PARM1: variants seen among roughly 807,000 people sequenced by gnomAD.
PARM1 encodes WSC4, cell wall integrity and stress response component 4 homolog.
PARM1 carries 14 observed loss-of-function variants against 24.6 expected under a neutral mutation model. That is an observed-to-expected ratio of 0.57 (90% CI 0.38 to 0.89). The LOEUF (loss-of-function observed/expected upper bound fraction) is 0.89, where lower values mean the gene tolerates loss of function less well. PARM1 is among the 40% of genes least tolerant of loss of function. The probability of loss-of-function intolerance (pLI) is 0.00; values close to 1 mark genes in which losing one functional copy is unlikely to be tolerated. For synonymous variants in PARM1, 179 were observed against 156.6 expected (o/e 1.14, Z -1.07); for missense variants, 362 against 380.4 (o/e 0.95, Z 0.40).
At chr4:74,934,996 C>CTTT (rs11392364) in intron 1 of PARM1, among the ~76,000 whole-genome samples, 12 of 116,548 alleles carry the variant, frequency 1.0e-4, no homozygotes, top group East Asian at 2.5e-4. Context: ...GCTCTTTTTT[C>CTTT]TTTTTTTTTT....
chr4:74,971,377 C>T (rs769677511), intron 1 of PARM1, among the ~76,000 whole-genome samples: 17 of 152,154 alleles, frequency 1.1e-4, no homozygotes, highest in Non-Finnish European at 2.1e-4. Context: ...GTCCCTCTCA[C>T]GACACATGGG....
At chr4:75,036,019 C>T (rs1390434873) in intron 3 of PARM1, among the ~76,000 whole-genome samples, 1 of 152,170 alleles carries the variant, frequency 6.6e-6, no homozygotes, top group Non-Finnish European at 1.5e-5. Flanking sequence ...TTATGAACTA[C>T]TCTGGGAACC....
chr4:74,940,641 A>G (rs1192621326), intron 1 of PARM1, among the ~76,000 whole-genome samples: 4 of 152,212 alleles, frequency 2.6e-5, no homozygotes, highest in Non-Finnish European at 4.4e-5. Flanking sequence ...GCAAATATTG[A>G]AACCATAGCA....
At chr4:74,994,945 T>G (rs1478169607) in intron 1 of PARM1, among the ~76,000 whole-genome samples, 1 of 152,154 alleles carries the variant, frequency 6.6e-6, no homozygotes, top group Non-Finnish European at 1.5e-5. Context: ...TGTTGTTTCC[T>G]GGCGCTCAGC....
chr4:74,944,158 G>A (rs1325330917), intron 1 of PARM1, among the ~76,000 whole-genome samples: 1 of 152,152 alleles, frequency 6.6e-6, no homozygotes, highest in Non-Finnish European at 1.5e-5. Flanking sequence ...AATACTCATG[G>A]TGCACACTGG....
In PARM1 at chr4:75,005,143, C is replaced by G. The variant is rs552997263; in HGVS notation, c.44-7282C>G. On this transcript the variant is annotated intron_variant, in intron 1 of 3. Coordinates refer to ENST00000307428, the MANE Select transcript of PARM1 (RefSeq NM_015393.4). ...CAGCAGTTCACGATGGTGGCCGTAA[C>G]AGGTGGAGAAACTGGTAGCAATTAC... 1.1e-4 allele frequency among the ~76,000 whole-genome samples: 16 copies of G among 152,310 alleles called. No individual in the cohort carries two copies. In the South Asian group the frequency reaches 3.3e-3, roughly 32 times the overall value.
intron 1 of PARM1, among the ~76,000 whole-genome samples, chr4:74,948,920 G>A (rs1578023906): frequency 1.3e-5 from 2 of 152,218 alleles, no homozygotes; most frequent in African/African-American, 4.8e-5. Flanking sequence ...TACTTGGGAG[G>A]CTGAGGCAGA....
intron 1 of PARM1, among the ~76,000 whole-genome samples, chr4:74,974,027 G>C (rs1722094150): frequency 6.6e-6 from 1 of 152,198 alleles, no homozygotes; most frequent in Admixed American, 6.5e-5. Flanking sequence ...GTTCAAATCT[G>C]AGGGCCTGAG....
intron 1 of PARM1, among the ~76,000 whole-genome samples, chr4:74,943,655 A>G (rs1294152016): frequency 6.6e-6 from 1 of 152,204 alleles, no homozygotes; most frequent in East Asian, 1.9e-4. Context: ...AATAGCTAAA[A>G]CTTTATAAAC....
chr4:74,996,290 A>G (rs1722575227), intron 1 of PARM1, among the ~76,000 whole-genome samples: 1 of 152,190 alleles, frequency 6.6e-6, no homozygotes, highest in Non-Finnish European at 1.5e-5. Context: ...GACTCTGTGC[A>G]TTATTTTATT....
intron 1 of PARM1, among the ~76,000 whole-genome samples, chr4:74,973,354 C>T (rs867581207): frequency 1.3e-5 from 2 of 152,268 alleles, no homozygotes; most frequent in Middle Eastern, 3.4e-3. Flanking sequence ...TATGAACAGA[C>T]TTTTAAGGTG....
chr4:75,005,940 G>A (rs1168383018), intron 1 of PARM1, among the ~76,000 whole-genome samples: 3 of 152,156 alleles, frequency 2.0e-5, no homozygotes, highest in Admixed American at 6.5e-5. Flanking sequence ...TTTCATGTCT[G>A]TGGGCCTGTC....
chr4:74,992,783 T>C (rs1722503593), intron 1 of PARM1, among the ~76,000 whole-genome samples: 1 of 152,282 alleles, frequency 6.6e-6, no homozygotes, highest in Non-Finnish European at 1.5e-5. Context: ...GCAAAGTCTC[T>C]TTCAGACATA....
intron 1 of PARM1, among the ~76,000 whole-genome samples, chr4:74,960,823 A>G (rs1190580281): frequency 2.0e-5 from 3 of 151,522 alleles, no homozygotes; most frequent in Non-Finnish European, 4.4e-5. Context: ...CCTGGCTAAC[A>G]TGGTAAAACC....
chr4:75,033,902 C>A lies in PARM1; in HGVS notation c.789C>A (p.Thr263=), dbSNP rs745825447. The change falls in exon 3 of 4, where the codon ACC becomes ACA. Residue 263 remains threonine, a synonymous_variant. Transcript: ENST00000307428. ...ALSSGSIAAI[T]VTVIAVVLLV... The stretch of plus-strand genomic sequence containing the variant: ...TCACAGGCAGCATCGCCGCCATTAC[C>A]GTGACAGTCATTGCCGTGGTGCTGC... 1 of 1,603,572 alleles carries A rather than the reference C, an allele frequency of 6.2e-7. No individual in the cohort carries two copies. Among genetic ancestry groups the A allele is most frequent in the East Asian group, 2.2e-5 (1 of 44,578 alleles).
intron 1 of PARM1, among the ~76,000 whole-genome samples, chr4:74,963,057 C>T (rs761526020): frequency 2.0e-5 from 3 of 152,214 alleles, no homozygotes; most frequent in Non-Finnish European, 4.4e-5. Context: ...TCTGCTAGCA[C>T]TCACTCCATC....
chr4:75,015,180 C>T (rs890642796), intron 2 of PARM1, among the ~76,000 whole-genome samples: 4 of 152,170 alleles, frequency 2.6e-5, no homozygotes, highest in Non-Finnish European at 5.9e-5. Context: ...TCTAAACTGA[C>T]ACATCTACTC....
chr4:74,941,194 A>G (rs1381916851), intron 1 of PARM1, among the ~76,000 whole-genome samples: 1 of 152,220 alleles, frequency 6.6e-6, no homozygotes, highest in African/African-American at 2.4e-5. Context: ...TACAATGTTG[A>G]TGGAAATGAC....
At chr4:74,959,651 A>G (rs76590831) in intron 1 of PARM1, among the ~76,000 whole-genome samples, 4,409 of 152,312 alleles carry the variant, frequency 0.029, 209 homozygotes, top group African/African-American at 0.099. Flanking sequence ...CATTATTTTC[A>G]TAACTAGTAT....
Sources: gnomAD v4.1 joint callset for allele counts (sites outside exome capture counted in the v4.1 genomes callset) on GRCh38, gnomAD v4.1.1 for gene constraint, MANE v1.5 for transcripts, NCBI Gene and HGNC (gene_info 2026-07-23, HGNC 2026-07-21) for gene names.